The following ANO10 variants were observed in gnomAD, a reference collection of about 807,000 sequenced individuals.
ANO10 encodes the protein anoctamin-10.
ANO10 carries 77 observed loss-of-function variants against 74.7 expected under a neutral mutation model. The observed-to-expected ratio is 1.03, with a 90% CI of 0.86 to 1.25. The LOEUF (loss-of-function observed/expected upper bound fraction) is 1.25. Ranked by LOEUF, ANO10 falls within the 50% of genes most tolerant of loss-of-function variation. ANO10 has a pLI of 0.00. For missense variants in ANO10, 721 were observed against 778.1 expected, an observed-to-expected ratio of 0.93 and a Z score of 0.87; for synonymous variants, 279 against 284.9, an observed-to-expected ratio of 0.98 and a Z score of 0.21.
chr3:43,374,702 C>T (rs1415131230), intron 12 of ANO10, among the ~76,000 whole-genome samples: 1 of 152,042 alleles, frequency 6.6e-6, no homozygotes, highest in East Asian at 1.9e-4. Context: ...CTTGTCACAC[C>T]TGGCTCAGAT....
chr3:43,453,457 G>T (rs2074975750), intron 11 of ANO10, among the ~76,000 whole-genome samples: 1 of 152,138 alleles, frequency 6.6e-6, no homozygotes, highest in African/African-American at 2.4e-5. Flanking sequence ...GGGATTACAG[G>T]CATGAGCCAC....
chr3:43,414,195 C>G (rs1335650372), intron 12 of ANO10, among the ~76,000 whole-genome samples: 1 of 152,164 alleles, frequency 6.6e-6, no homozygotes, highest in African/African-American at 2.4e-5. Flanking sequence ...GAAGGGCGTT[C>G]AGATAACATC....
chr3:43,529,061 C>A (rs1293774795), intron 11 of ANO10, among the ~76,000 whole-genome samples: 2 of 152,162 alleles, frequency 1.3e-5, no homozygotes, highest in Non-Finnish European at 2.9e-5. Context: ...CCATGTGTAT[C>A]TGTGATCTGA....
At chr3:43,554,182 TTTTC>T (rs1209346871) in intron 10 of ANO10, among the ~76,000 whole-genome samples, 13 of 150,402 alleles carry the variant, frequency 8.6e-5, no homozygotes, top group Non-Finnish European at 1.5e-4. Context: ...GATGAGTGAT[TTTTC>T]TTTTTTTTTT....
At chr3:43,484,470 C>T (rs1167606895) in intron 11 of ANO10, among the ~76,000 whole-genome samples, 2 of 152,188 alleles carry the variant, frequency 1.3e-5, no homozygotes, top group African/African-American at 4.8e-5. Context: ...ATTCCCCCCA[C>T]AAGAGACAGT....
Position 43,432,739 on chromosome 3 carries a change from A to G in ANO10, c.1798-12T>C, listed in dbSNP as rs1385375294. On this transcript the variant is annotated splice_polypyrimidine_tract_variant and intron_variant, in intron 11 of 12. Transcript: ENST00000292246. ...GCCAGGAGTGCGTGCTGAAAACAAGAAAGAGTACATGTTGATGTGATACAT... is the reference window on the plus strand; with the variant it reads ...GCCAGGAGTGCGTGCTGAAAACAAGGAAGAGTACATGTTGATGTGATACAT... 5.8e-6 allele frequency: 9 copies of G among 1,550,370 alleles called. No individual in the cohort carries two copies. The highest frequency in any genetic ancestry group is 5.0e-5 in the Admixed American group (3 of 59,856).
intron 11 of ANO10, among the ~76,000 whole-genome samples, chr3:43,464,569 AC>A (rs2075531264): frequency 6.6e-6 from 1 of 152,096 alleles, no homozygotes; most frequent in South Asian, 2.1e-4. Context: ...AGTCCCAGCA[AC>A]TTGGGAGGCT....
chr3:43,653,452 C>T (rs1488588022), intron 1 of ANO10, among the ~76,000 whole-genome samples: 1 of 152,146 alleles, frequency 6.6e-6, no homozygotes, highest in Non-Finnish European at 1.5e-5. Flanking sequence ...AAATAGGATT[C>T]TTATATGCTT....
intron 11 of ANO10, among the ~76,000 whole-genome samples, chr3:43,437,876 A>AC (rs2093095181): frequency 6.7e-6 from 1 of 149,208 alleles, no homozygotes; most frequent in African/African-American, 2.5e-5. Flanking sequence ...AAAAAAAAAA[A>AC]CAAAAAAAAA....
chr3:43,662,822 C>G (rs901312176), intron 1 of ANO10, among the ~76,000 whole-genome samples: 17 of 152,092 alleles, frequency 1.1e-4, no homozygotes, highest in Admixed American at 6.6e-4. Context: ...GACACATACA[C>G]CCTCCCAAGA....
At chr3:43,683,001 T>G (rs569038206) in intron 1 of ANO10, among the ~76,000 whole-genome samples, 2 of 152,278 alleles carry the variant, frequency 1.3e-5, no homozygotes, top group South Asian at 4.1e-4. Context: ...ACTGGAAGCA[T>G]TCCCTTTGAA....
At chr3:43,564,073 C>G (rs1379627899) in intron 8 of ANO10, among the ~76,000 whole-genome samples, 1 of 151,814 alleles carries the variant, frequency 6.6e-6, no homozygotes, top group African/African-American at 2.4e-5. Flanking sequence ...GAGACACGGT[C>G]TCACTTTGCA....
chr3:43,558,847 G>A (rs1193524948), intron 9 of ANO10, among the ~76,000 whole-genome samples: 2 of 152,150 alleles, frequency 1.3e-5, no homozygotes, highest in Non-Finnish European at 2.9e-5. Context: ...TGGAGACGGT[G>A]AAAAAGAAAC....
intron 3 of ANO10, among the ~76,000 whole-genome samples, chr3:43,598,915 A>C (rs2149477271): frequency 6.6e-6 from 1 of 152,352 alleles, no homozygotes; most frequent in East Asian, 1.9e-4. Context: ...AGAAACATTC[A>C]AGAAGCATAT....
chr3:43,406,886 G>A (rs1007708731), intron 12 of ANO10, among the ~76,000 whole-genome samples: 1 of 151,592 alleles, frequency 6.6e-6, no homozygotes, highest in Non-Finnish European at 1.5e-5. Context: ...CAGTGTGCAC[G>A]CTGAGTCTCG....
At chr3:43,402,388 T>A (rs1219909568) in intron 12 of ANO10, among the ~76,000 whole-genome samples, 4 of 152,180 alleles carry the variant, frequency 2.6e-5, no homozygotes, top group Non-Finnish European at 4.4e-5. Flanking sequence ...ATCATTCCCA[T>A]GTTTCTTTCC....
chr3:43,604,188 C>CGTA (rs111255463), intron 2 of ANO10, among the ~76,000 whole-genome samples: 2,721 of 152,004 alleles, frequency 0.018, 72 homozygotes, highest in African/African-American at 0.061. Context: ...GTTAGCATAC[C>CGTA]CATCATCTCA....
chr3:43,682,256 T>C (rs2084211913), intron 1 of ANO10, among the ~76,000 whole-genome samples: 1 of 152,120 alleles, frequency 6.6e-6, no homozygotes, highest in Non-Finnish European at 1.5e-5. Context: ...ATATCACCAC[T>C]GATCCCACAG....
rs142358423 is a variant in ANO10, at chr3:43,660,327, T to A, written c.-12+31190A>T. Among the ~76,000 whole-genome samples the A allele has an allele frequency of 1.5e-3, 227 of 152,136 alleles. 2 individuals are homozygous for A. The highest frequency in any genetic ancestry group is 5.3e-3 in the African/African-American group (218 of 41,512). ...AGCTAAAGGAGCATGTTCTAAAACATCACATGCAAGTTAAAAACCTTGAAA... is the reference window on the plus strand; with the variant it reads ...AGCTAAAGGAGCATGTTCTAAAACAACACATGCAAGTTAAAAACCTTGAAA... On this transcript the variant is annotated intron_variant, in intron 1 of 3. Coordinates refer to the ANO10 transcript ENST00000413397.
Sources: gnomAD v4.1 joint callset for allele counts (sites outside exome capture counted in the v4.1 genomes callset) on GRCh38, gnomAD v4.1.1 for gene constraint, MANE v1.5 for transcripts, NCBI Gene and HGNC (gene_info 2026-07-23, HGNC 2026-07-21) for gene names.